PRMT3: variants seen among roughly 807,000 people sequenced by gnomAD.
The protein encoded by PRMT3 is protein arginine methyltransferase 3, also known as protein arginine N-methyltransferase 3.
In PRMT3, 62 loss-of-function variants were observed where a neutral mutation model predicts 71.9. The ratio of observed to expected loss-of-function variants is 0.86; its 90% CI spans 0.70 to 1.07. PRMT3 has a LOEUF of 1.07. Ranked by LOEUF, PRMT3 falls within the 50% of genes least tolerant of loss-of-function variation. The pLI is 0.00. For missense variants in PRMT3, 663 were observed against 643.0 expected, an observed-to-expected ratio of 1.03 and a Z score of -0.34; for synonymous variants, 213 against 220.4, an observed-to-expected ratio of 0.97 and a Z score of 0.30.
chr11:20,492,177 C>T (rs1009509625), intron 13 of PRMT3, among the ~76,000 whole-genome samples: 8 of 152,102 alleles, frequency 5.3e-5, no homozygotes, highest in Admixed American at 3.9e-4. Context: ...AACACATTTG[C>T]TCATCAAATA....
chr11:20,448,107 G>C (rs1565216607), intron 10 of PRMT3, among the ~76,000 whole-genome samples: 2 of 151,908 alleles, frequency 1.3e-5, no homozygotes, highest in Non-Finnish European at 2.9e-5. Flanking sequence ...GGAAATCGTA[G>C]AATTCAAGGA....
chr11:20,406,968 C>T lies in PRMT3; in HGVS notation c.772-943C>T, dbSNP rs116407734. On this transcript the variant is annotated intron_variant, in intron 8 of 15. Coordinates refer to ENST00000331079, the MANE Select transcript of PRMT3 (RefSeq NM_005788.4). ...ATGTAAGAATGTCCATAAGTTGTTT[C>T]AGTTTTTATGTTAGAAACAATGCTT... 1,311 of 152,162 alleles carry T rather than the reference C, an allele frequency of 8.6e-3. 19 individuals are homozygous for T. The highest frequency in any genetic ancestry group is 0.03 in the African/African-American group (1,235 of 41,526). 9.4% of individuals were successfully genotyped at this position (152,162 alleles called of 1,614,324 possible). A position where few individuals can be genotyped will look rare whatever the true frequency, so the allele number is the denominator to read the frequency against.
intron 10 of PRMT3, among the ~76,000 whole-genome samples, chr11:20,436,797 A>T (rs56263448): frequency 0.063 from 9,578 of 152,002 alleles, 424 homozygotes; most frequent in Middle Eastern, 0.14. Context: ...TGCTAACCTC[A>T]TAGAATGAGT....
chr11:20,503,436 A>G (rs895828606), intron 15 of PRMT3, among the ~76,000 whole-genome samples: 2 of 152,164 alleles, frequency 1.3e-5, no homozygotes, highest in African/African-American at 4.8e-5. Context: ...TGAAAATTAC[A>G]TATACCACTG....
At chr11:20,462,869 C>G (rs1237416862) in intron 12 of PRMT3, among the ~76,000 whole-genome samples, 1 of 150,748 alleles carries the variant, frequency 6.6e-6, no homozygotes. Context: ...TTGTCTTTGT[C>G]TCAAGAGAAA....
chr11:20,463,795 A>C (rs1850442612), intron 12 of PRMT3, among the ~76,000 whole-genome samples: 1 of 152,172 alleles, frequency 6.6e-6, no homozygotes, highest in Non-Finnish European at 1.5e-5. Context: ...AGACTGCTGT[A>C]GTTGAAAGGT....
At chr11:20,441,788 GTTT>G (rs61553968) in intron 10 of PRMT3, among the ~76,000 whole-genome samples, 2 of 118,530 alleles carry the variant, frequency 1.7e-5, no homozygotes, top group African/African-American at 3.3e-5. Context: ...ATAGTTTCAG[GTTT>G]TTTTTTTTTT....
intron 13 of PRMT3, among the ~76,000 whole-genome samples, chr11:20,484,043 A>G (rs1851011595): frequency 6.6e-6 from 1 of 152,212 alleles, no homozygotes; most frequent in Admixed American, 6.5e-5. Context: ...CATTTAACAA[A>G]TAGTTTACTT....
intron 15 of PRMT3, among the ~76,000 whole-genome samples, chr11:20,504,923 G>C (rs925493062): frequency 6.6e-6 from 1 of 152,106 alleles, no homozygotes; most frequent in Non-Finnish European, 1.5e-5. Context: ...AGTAGAGACA[G>C]AGTTTTGCCA....
At position 20,445,978 on chromosome 11, in the gene PRMT3, A is replaced by T. The variant is rs199623020; in HGVS notation, c.994-6152A>T. 5.3e-5 allele frequency among the ~76,000 whole-genome samples: 8 copies of T among 152,210 alleles called. No homozygotes were observed. In the East Asian group the frequency reaches 1.5e-3, roughly 29 times the overall value. ...ACACATCATAGGAAAAGGTTTTTTAAATTTTACTGTTGGTGGGCACTGGAT... is the reference window on the plus strand; with the variant it reads ...ACACATCATAGGAAAAGGTTTTTTATATTTTACTGTTGGTGGGCACTGGAT... On this transcript the variant is annotated intron_variant, in intron 10 of 15. Coordinates refer to ENST00000331079, the MANE Select transcript of PRMT3 (RefSeq NM_005788.4).
At chr11:20,499,471 T>A (rs548804982) in intron 15 of PRMT3, among the ~76,000 whole-genome samples, 2 of 152,024 alleles carry the variant, frequency 1.3e-5, no homozygotes, top group South Asian at 4.1e-4. Flanking sequence ...AAAAAAATTT[T>A]TTTTAATTAG....
intron 6 of PRMT3, 23 bp from the exon 7 acceptor site, chr11:20,397,554 G>C: frequency 1.2e-6 from 2 of 1,612,982 alleles, no homozygotes; most frequent in Non-Finnish European, 1.7e-6. Context: ...CTGTCTCAAG[G>C]GTGTATTTCA....
chr11:20,413,418 C>T (rs115668711), intron 9 of PRMT3, among the ~76,000 whole-genome samples: 1 of 152,084 alleles, frequency 6.6e-6, no homozygotes, highest in Non-Finnish European at 1.5e-5. Context: ...TCACTACAAC[C>T]CCTTTAAGCC....
chr11:20,486,307 G>T (rs974993808), intron 13 of PRMT3, among the ~76,000 whole-genome samples: 1 of 152,014 alleles, frequency 6.6e-6, no homozygotes, highest in Non-Finnish European at 1.5e-5. Flanking sequence ...TAAATTTTTT[G>T]GTATGTGAAT....
chr11:20,468,364 G>GT (rs1418917025), intron 13 of PRMT3, among the ~76,000 whole-genome samples: 3 of 146,574 alleles, frequency 2.0e-5, no homozygotes, highest in Non-Finnish European at 4.5e-5. Context: ...TTTTTGTTTT[G>GT]TTTGTTTGTT....
intron 13 of PRMT3, among the ~76,000 whole-genome samples, chr11:20,466,867 G>A (rs1850525871): frequency 6.6e-6 from 1 of 152,040 alleles, no homozygotes; most frequent in Non-Finnish European, 1.5e-5. Context: ...GTTACTTGCT[G>A]CATTTGTCCC....
intron 10 of PRMT3, among the ~76,000 whole-genome samples, chr11:20,436,904 G>A (rs1467618831): frequency 6.6e-6 from 1 of 152,002 alleles, no homozygotes; most frequent in Non-Finnish European, 1.5e-5. Flanking sequence ...TGAAAGCATC[G>A]GGTCCTGAAT....
chr11:20,392,170 CATT>C (rs749511889), intron 3 of PRMT3, 38 bp from the exon 4 acceptor site: 13 of 1,548,654 alleles, frequency 8.4e-6, no homozygotes, highest in Admixed American at 3.7e-5. Flanking sequence ...AAACAAAACT[CATT>C]ATGTTAACAT....
intron 4 of PRMT3, among the ~76,000 whole-genome samples, 172 bp from the exon 5 acceptor site, chr11:20,392,725 A>G (rs1848743270): frequency 6.6e-6 from 1 of 150,414 alleles, no homozygotes; most frequent in African/African-American, 2.5e-5. Flanking sequence ...ACTGCTGGTT[A>G]AGCAGTCGTC....
Sources: gnomAD v4.1 joint callset for allele counts (sites outside exome capture counted in the v4.1 genomes callset) on GRCh38, gnomAD v4.1.1 for gene constraint, MANE v1.5 for transcripts, NCBI Gene and HGNC (gene_info 2026-07-23, HGNC 2026-07-21) for gene names.